DYNC2I1: variants seen among roughly 807,000 people sequenced by gnomAD.
DYNC2I1 encodes dynein 2 intermediate chain 1.
In DYNC2I1, 89 loss-of-function variants were observed where a neutral mutation model predicts 133.4. That is an observed-to-expected ratio of 0.67 (90% confidence interval 0.56 to 0.80). The LOEUF (loss-of-function observed/expected upper bound fraction) is 0.80. DYNC2I1 is among the 30% of genes least tolerant of loss of function. The pLI is 0.00. For synonymous variants in DYNC2I1, 504 were observed against 484.3 expected (o/e 1.04, Z -0.54); for missense variants, 1,291 against 1,314.5 (o/e 0.98, Z 0.28).
At chr7:158,875,551 T>C (rs1248308863) in intron 3 of DYNC2I1, among the ~76,000 whole-genome samples, 3 of 152,248 alleles carry the variant, frequency 2.0e-5, no homozygotes, top group Non-Finnish European at 2.9e-5. Flanking sequence ...TGTTGGATGA[T>C]GCTTTGGTGT....
rs1318337480 is a variant in DYNC2I1, at chr7:158,914,259, G to T, written c.1729G>T (p.Ala577Ser). Residue 577 changes from alanine (A) to serine (S), a missense_variant, in exon 14 of 25, where the codon GCT becomes TCT. By Grantham distance (99) the Ala-to-Ser change is moderately conservative. Coordinates refer to ENST00000407559, the MANE Select transcript of DYNC2I1 (RefSeq NM_018051.5). Reference sequence around the variant, plus strand: ...CAGTGAACAAAGAGATACCTCTGATGCTGTAGTTATGCCAAAGATTGATAC... The same window carrying T: ...CAGTGAACAAAGAGATACCTCTGATTCTGTAGTTATGCCAAAGATTGATAC... ...GGSEQRDTSD[A>S]VVMPKIDTPR... is the part of the protein sequence containing the mutation. 5 of 1,612,530 alleles carry T rather than the reference G, an allele frequency of 3.1e-6. No homozygotes were observed. The African/African-American group carries it at 6.7e-5, about 22-fold the overall frequency.
In DYNC2I1 at chr7:158,857,791, C is replaced by CT. The variant is rs369240011; in HGVS notation, c.15+1060dup. Among the ~76,000 whole-genome samples, 848 of 133,578 alleles carry CT rather than the reference C, an allele frequency of 6.3e-3. 6 individuals are homozygous for CT. Among genetic ancestry groups the CT allele is most frequent in the Non-Finnish European group, 9.0e-3 (563 of 62,598 alleles). The allele number at this position is 133,578 out of a possible 152,430, so 87.6% of individuals were successfully genotyped here. A position where few individuals can be genotyped will look rare whatever the true frequency, so the allele number is the denominator to read the frequency against. ...GACTTCGTGAGCCACTGCACCCGGC[C>CT]TTTTTTTTTTTTTTTTTTTAAAGAT... is the stretch of plus-strand genomic sequence containing the variant. On this transcript the variant is annotated intron_variant, in intron 1 of 24. Coordinates refer to ENST00000407559, the MANE Select transcript of DYNC2I1 (RefSeq NM_018051.5).
the DYNC2I1 span, among the ~76,000 whole-genome samples, chr7:158,841,204 TATATATATATA>T: frequency 1.3e-3 from 67 of 52,726 alleles, 5 homozygotes; most frequent in Admixed American, 7.3e-3. Context: ...TATATATATA[TATATATATATA>T]TATATATTTT....
At chr7:158,894,187 A>G (rs947769639) in intron 8 of DYNC2I1, among the ~76,000 whole-genome samples, 6 of 152,094 alleles carry the variant, frequency 3.9e-5, no homozygotes, top group African/African-American at 9.7e-5. Context: ...ACTACGTATC[A>G]TACTACATAT....
rs554317352 is a variant in DYNC2I1 at position 158,887,554 on chromosome 7, A to G, written c.990+479A>G. Among the ~76,000 whole-genome samples the G allele has an allele frequency of 5.9e-5, 9 of 152,354 alleles. No individual in the cohort carries two copies. In the South Asian group the frequency reaches 1.2e-3, roughly 21 times the overall value. On this transcript the variant is annotated intron_variant, in intron 7 of 24. Transcript: ENST00000407559. ...CACCCCACTTTCAGTAACAGGTAGG[A>G]CAATATTTTATGGTAACAAATTAGG...
upstream of DYNC2I1, among the ~76,000 whole-genome samples, chr7:158,854,411 A>G (rs1841119320): frequency 6.6e-6 from 1 of 151,610 alleles, no homozygotes; most frequent in Non-Finnish European, 1.5e-5. Context: ...ACAGAAAACC[A>G]AACACCGCAT....
Position 158,856,601 on chromosome 7 carries a change from T to TGG in DYNC2I1, c.-134_-133insGG. The TGG allele has an allele frequency of 3.2e-6, 3 of 944,284 alleles. No individual in the cohort carries two copies. The highest frequency in any genetic ancestry group is 2.8e-6 in the Non-Finnish European group (2 of 726,568). The allele number at this position is 944,284 out of a possible 1,614,324, so 58.5% of individuals were successfully genotyped here. On this transcript the variant is annotated 5_prime_UTR_variant, in exon 1 of 25. Coordinates refer to ENST00000407559, the MANE Select transcript of DYNC2I1 (RefSeq NM_018051.5). ...CGCTGGGCAGTGCTTCTGGGCCCTC[T>TGG]GCTGCTCCTGCTTGTCGGTTGCTAG...
chr7:158,850,338 C>G, the DYNC2I1 span, among the ~76,000 whole-genome samples: 1 of 152,200 alleles, frequency 6.6e-6, no homozygotes, highest in African/African-American at 2.4e-5. Flanking sequence ...CCTAGCAGGG[C>G]AGATCCTGCC....
chr7:158,862,552 T>TA (rs71200073), intron 1 of DYNC2I1, among the ~76,000 whole-genome samples: 21,068 of 105,710 alleles, frequency 0.2, 2,206 homozygotes, highest in African/African-American at 0.26. Flanking sequence ...CCCTATCTCT[T>TA]AAAAAAAAAA....
At chr7:158,902,752 T>C in intron 10 of DYNC2I1, 157 bp downstream of exon 10, 2 of 662,148 alleles carry the variant, frequency 3.0e-6, no homozygotes, top group African/African-American at 1.8e-5. Flanking sequence ...AGCTACCACA[T>C]AGGAGGCCCC....
chr7:158,903,974 C>T (rs182448302), intron 10 of DYNC2I1: 2 of 152,320 alleles, frequency 1.3e-5, no homozygotes, highest in East Asian at 3.9e-4. Flanking sequence ...GAGTTATTCA[C>T]TGTCATACAC....
intron 8 of DYNC2I1, among the ~76,000 whole-genome samples, chr7:158,901,243 TG>T (rs1311795584): frequency 4.9e-4 from 74 of 152,170 alleles, no homozygotes; most frequent in Non-Finnish European, 7.4e-5. Context: ...GCTAATTTTT[TG>T]TATTTTTGGT....
chr7:158,928,512 T>C (rs916964276), intron 20 of DYNC2I1, among the ~76,000 whole-genome samples: 9 of 152,240 alleles, frequency 5.9e-5, no homozygotes, highest in African/African-American at 2.2e-4. Context: ...AGTTTACTGT[T>C]GATTCTGACT....
intron 17 of DYNC2I1, 74 bp downstream of exon 17, chr7:158,923,807 G>T: frequency 1.3e-6 from 2 of 1,537,698 alleles, no homozygotes; most frequent in South Asian, 1.3e-5. Context: ...AGCTTTACAT[G>T]GATTTGCATT....
intron 1 of DYNC2I1, among the ~76,000 whole-genome samples, chr7:158,863,598 GC>G (rs1842077120): frequency 7.8e-6 from 1 of 128,994 alleles, no homozygotes; most frequent in African/African-American, 2.9e-5. Context: ...GGGGCGGTGA[GC>G]CGGACGTCCT....
At chr7:158,868,081 CA>C (rs1484709750) in intron 1 of DYNC2I1, among the ~76,000 whole-genome samples, 3 of 151,824 alleles carry the variant, frequency 2.0e-5, no homozygotes, top group African/African-American at 7.2e-5. Context: ...CAGACCCTGT[CA>C]AAAAAACAAA....
In DYNC2I1 at chr7:158,918,830, A is replaced by G. The variant is rs759364238; in HGVS notation, c.1882A>G (p.Ser628Gly). Residue 628 changes from serine to glycine, a missense_variant, in exon 15 of 25, where the codon AGC (serine) becomes GGC (glycine). Ser to Gly is a moderately conservative substitution (Grantham distance 56, BLOSUM62 0). Coordinates refer to ENST00000407559, the MANE Select transcript of DYNC2I1 (RefSeq NM_018051.5). ...AGACAGGGCCCTGTATTTTAGTGAC[A>G]GCTCATCTCAGCTGAACACCAGTCT... Reference protein sequence around the residue: ...AQDRALYFSDSSSQLNTSLPF... With the variant: ...AQDRALYFSDGSSQLNTSLPF... 8 of 1,613,774 alleles carry G rather than the reference A, an allele frequency of 5.0e-6. No homozygotes were observed. Among genetic ancestry groups the G allele is most frequent in the African/African-American group, 4.0e-5 (3 of 74,938 alleles).
intron 7 of DYNC2I1, among the ~76,000 whole-genome samples, chr7:158,890,381 G>T (rs1845083441): frequency 6.6e-6 from 1 of 151,866 alleles, no homozygotes; most frequent in Non-Finnish European, 1.5e-5. Context: ...AGTTGATTGT[G>T]AATGTATCTA....
intron 11 of DYNC2I1, among the ~76,000 whole-genome samples, chr7:158,909,448 G>T (rs1365790171): frequency 6.6e-6 from 1 of 151,528 alleles, no homozygotes; most frequent in African/African-American, 2.4e-5. Context: ...TATCAGGTAT[G>T]AAATATAGGT....
Sources: allele counts gnomAD v4.1 joint callset (sites outside exome capture counted in the v4.1 genomes callset), GRCh38; gene constraint gnomAD v4.1.1; transcripts MANE v1.5; gene names NCBI Gene and HGNC (gene_info 2026-07-23, HGNC 2026-07-21).